Variants in LMAN2L observed in about 807,000 individuals in gnomAD.
LMAN2L encodes the protein lectin, mannose binding 2 like, also known as VIP36-like protein.
A neutral mutation model predicts 44.3 loss-of-function variants in LMAN2L; 30 were observed. The observed-to-expected ratio is 0.68, with a 90% CI of 0.51 to 0.92. The LOEUF (loss-of-function observed/expected upper bound fraction) is 0.92, where lower values mean the gene tolerates loss of function less well. LMAN2L is among the 40% of genes least tolerant of loss of function. The pLI is 0.00. For synonymous variants in LMAN2L, 183 were observed against 171.1 expected (o/e 1.07, Z -0.54); for missense variants, 429 against 446.1 (o/e 0.96, Z 0.35).
intron 4 of LMAN2L, among the ~76,000 whole-genome samples, chr2:96,731,737 T>C (rs181971294): frequency 5.9e-5 from 9 of 152,118 alleles, no homozygotes; most frequent in African/African-American, 1.7e-4. Context: ...CAATGATCAT[T>C]CTCTATTCTT....
At chr2:96,738,656 CG>C (rs1301288811) in intron 1 of LMAN2L, among the ~76,000 whole-genome samples, 5 of 152,038 alleles carry the variant, frequency 3.3e-5, no homozygotes, top group Non-Finnish European at 5.9e-5. Context: ...GCCTAGGCAA[CG>C]GAACAAGACC....
chr2:96,710,956 G>C (rs534418354), intron 6 of LMAN2L, among the ~76,000 whole-genome samples: 5 of 152,142 alleles, frequency 3.3e-5, no homozygotes, highest in Non-Finnish European at 1.5e-5. Flanking sequence ...GAGAAGCTAC[G>C]AATCAGGCAT....
intron 2 of LMAN2L, among the ~76,000 whole-genome samples, chr2:96,735,811 C>G (rs1381092510): frequency 6.6e-6 from 1 of 150,610 alleles, no homozygotes; most frequent in African/African-American, 2.5e-5. Flanking sequence ...ACACTCCAGC[C>G]TGGGCGACAG....
At chr2:96,712,344 C>T (rs538925748) in intron 4 of LMAN2L, among the ~76,000 whole-genome samples, 3 of 152,290 alleles carry the variant, frequency 2.0e-5, no homozygotes, top group East Asian at 1.9e-4. Context: ...ACTTATGTGC[C>T]GCCTAATACC....
intron 4 of LMAN2L, among the ~76,000 whole-genome samples, chr2:96,723,547 C>G (rs1464277101): frequency 6.6e-6 from 1 of 152,064 alleles, no homozygotes; most frequent in Non-Finnish European, 1.5e-5. Context: ...TCAATTTATC[C>G]TTTTCTTTCG....
chr2:96,707,622 C>G (rs981520206), intron 7 of LMAN2L, 92 bp downstream of exon 7: 3 of 1,481,674 alleles, frequency 2.0e-6, no homozygotes, highest in East Asian at 2.3e-5. Context: ...AGAAGAAGAA[C>G]ACAGAGCAGA....
Position 96,728,668 on chromosome 2 carries a change from C to G in LMAN2L, c.507+4851G>C, listed in dbSNP as rs139627478. Among the ~76,000 whole-genome samples, 533 of 152,100 alleles carry G rather than the reference C, an allele frequency of 3.5e-3. 4 individuals are homozygous for G. Among genetic ancestry groups the G allele is most frequent in the African/African-American group, 0.012 (497 of 41,500 alleles). ...GACCAGCCTGGCCAACGCAGTGAAA[C>G]GCCGCCTCTACTAGAAATACAAAAA... On this transcript the variant is annotated intron_variant, in intron 4 of 7. Transcript: ENST00000264963.
intron 2 of LMAN2L, among the ~76,000 whole-genome samples, chr2:96,735,167 G>A (rs1009830618): frequency 2.0e-5 from 3 of 152,200 alleles, no homozygotes; most frequent in African/African-American, 7.2e-5. Flanking sequence ...ACTTGAAGAT[G>A]GATGCAAGTG....
At chr2:96,718,622 C>T (rs897818036) in intron 4 of LMAN2L, among the ~76,000 whole-genome samples, 2 of 152,192 alleles carry the variant, frequency 1.3e-5, no homozygotes, top group African/African-American at 4.8e-5. Flanking sequence ...CACACGTAGA[C>T]CTGTCACTTT....
intron 6 of LMAN2L, among the ~76,000 whole-genome samples, chr2:96,711,036 A>C (rs1051316824): frequency 6.6e-6 from 1 of 152,220 alleles, no homozygotes; most frequent in African/African-American, 2.4e-5. Flanking sequence ...ACATAAGTCA[A>C]GAAGGCAAGA....
At chr2:96,720,863 T>C (rs1187775301) in intron 4 of LMAN2L, among the ~76,000 whole-genome samples, 5 of 152,038 alleles carry the variant, frequency 3.3e-5, no homozygotes, top group Non-Finnish European at 7.4e-5. Context: ...CACTTGAACC[T>C]GGGAGATGGA....
intron 4 of LMAN2L, among the ~76,000 whole-genome samples, chr2:96,726,697 T>C (rs1422074915): frequency 6.6e-6 from 1 of 151,938 alleles, no homozygotes; most frequent in African/African-American, 2.4e-5. Context: ...GGCAGGAGAA[T>C]TGCTTGAACC....
chr2:96,707,760 A>T lies in LMAN2L; in HGVS notation c.858T>A (p.His286Gln). The change falls in exon 7 of 8, where the codon CAT becomes CAA. Residue 286 changes from histidine to glutamine, a missense_variant. Physicochemically the swap from His to Gln is conservative, Grantham distance 24 (BLOSUM62 0). Transcript: ENST00000264963. ...CCACTGAGGGCAAGAACACATCTCG[A>T]TGGAGCTTTTCCTCTTCTGGGGTTC... ...VERTPEEEKL[H>Q]RDVFLPSVDN... 1 of 1,614,096 alleles carries T rather than the reference A, an allele frequency of 6.2e-7. No homozygotes were observed. The highest frequency in any genetic ancestry group is 8.5e-7 in the Non-Finnish European group (1 of 1,179,980).
intron 1 of LMAN2L, among the ~76,000 whole-genome samples, chr2:96,738,437 G>C (rs144310044): frequency 7.2e-5 from 11 of 152,250 alleles, no homozygotes; most frequent in Admixed American, 3.3e-4. Context: ...CCCACACTTT[G>C]AGATGATGTG....
chr2:96,709,744 T>C (rs540655635), intron 6 of LMAN2L, among the ~76,000 whole-genome samples: 11 of 152,276 alleles, frequency 7.2e-5, no homozygotes, highest in African/African-American at 2.6e-4. Flanking sequence ...CAACCTACTA[T>C]ACAACAAGTA....
At chr2:96,719,753 C>T (rs2078112880) in intron 4 of LMAN2L, among the ~76,000 whole-genome samples, 4 of 152,110 alleles carry the variant, frequency 2.6e-5, no homozygotes, top group Admixed American at 2.6e-4. Flanking sequence ...GCGCCATATC[C>T]CAGCTAATTG....
Position 96,739,990 on chromosome 2 carries a change from A to T in LMAN2L, c.51T>A (p.Cys17Ter). The change falls in exon 1 of 8, where the codon TGT becomes TGA. Residue 17 changes from cysteine to a stop codon, truncating the protein, a stop_gained. Coordinates refer to ENST00000264963, the MANE Select transcript of LMAN2L (RefSeq NM_030805.4). LOFTEE classifies it high-confidence loss of function. The part of the protein sequence containing the change: ...PLGSWQQWRR[C>*]LSARDGSRML... ...TCCTGGACCCATCCCGAGCCGACAA[A>T]CATCGCCGCCACTGCTGCCACGACC... 6.2e-7 allele frequency: 1 copy of T among 1,613,592 alleles called. No individual in the cohort carries two copies. The highest frequency in any genetic ancestry group is 8.5e-7 in the Non-Finnish European group (1 of 1,179,960).
chr2:96,711,945 C>G lies in LMAN2L; in HGVS notation c.588G>C (p.Glu196Asp). ...GGACAATGGCTGTGCAGCCTCCCAG[C>G]TCTGTAGGCCGCCCATCCCGCTCAT... ...YDHERDGRPT[E>D]LGGCTAIVRN... is the part of the protein sequence containing the mutation. The change falls in exon 5 of 8, where the codon GAG (glutamate) becomes GAC (aspartate). Residue 196 changes from glutamate to aspartate, a missense_variant. By Grantham distance (45) the Glu-to-Asp change is conservative. Transcript: ENST00000264963. 1 of 1,614,176 alleles carries G rather than the reference C, an allele frequency of 6.2e-7. No homozygotes were observed. The highest frequency in any genetic ancestry group is 8.5e-7 in the Non-Finnish European group (1 of 1,180,040).
intron 7 of LMAN2L, 129 bp downstream of exon 7, chr2:96,707,585 G>T: frequency 1.5e-6 from 2 of 1,299,106 alleles, no homozygotes; most frequent in Non-Finnish European, 2.1e-6. Context: ...GAAGGGGAAA[G>T]GCAGATGAAA....
Sources: gnomAD v4.1 joint callset for allele counts (sites outside exome capture counted in the v4.1 genomes callset) on GRCh38, gnomAD v4.1.1 for gene constraint, MANE v1.5 for transcripts, NCBI Gene and HGNC (gene_info 2026-07-23, HGNC 2026-07-21) for gene names.